Variants in CABLES1 observed in about 807,000 individuals in gnomAD.
The protein encoded by CABLES1 is Cdk5 and Abl enzyme substrate 1.
In CABLES1, 36 loss-of-function variants were observed where a neutral mutation model predicts 57.8. The observed-to-expected ratio is 0.62, with a 90% confidence interval of 0.48 to 0.82. The LOEUF is 0.82. CABLES1 is among the 40% of genes least tolerant of loss of function. The pLI is 0.00. For missense variants in CABLES1, 767 were observed against 836.6 expected (o/e 0.92, Z 1.03); for synonymous variants, 374 against 363.0 (o/e 1.03, Z -0.35).
At chr18:23,153,646 A>G (rs2046947118) in intron 1 of CABLES1, among the ~76,000 whole-genome samples, 1 of 152,138 alleles carries the variant, frequency 6.6e-6, no homozygotes, top group Non-Finnish European at 1.5e-5. Flanking sequence ...AGGCAGGAGA[A>G]TCGCTTGAAC....
chr18:23,203,456 GT>G (rs1555665022), intron 3 of CABLES1, among the ~76,000 whole-genome samples: 1 of 139,534 alleles, frequency 7.2e-6, no homozygotes, highest in African/African-American at 2.9e-5. Flanking sequence ...AATAGGATAT[GT>G]TAAAAAAAAA....
At chr18:23,247,412 A>AGTGTGAGGTTG (rs1355912893) in intron 7 of CABLES1, among the ~76,000 whole-genome samples, 1 of 152,236 alleles carries the variant, frequency 6.6e-6, no homozygotes, top group African/African-American at 2.4e-5. Context: ...GGTGCAGAGC[A>AGTGTGAGGTTG]GTGGCCTCAA....
intron 1 of CABLES1, among the ~76,000 whole-genome samples, chr18:23,143,680 C>CA (rs2046872418): frequency 1.3e-5 from 2 of 152,236 alleles, no homozygotes; most frequent in Non-Finnish European, 1.5e-5. Context: ...GTGCTTCCCC[C>CA]ACCCTAGCCC....
chr18:23,209,566 G>T (rs2047388638), intron 3 of CABLES1, among the ~76,000 whole-genome samples: 1 of 152,170 alleles, frequency 6.6e-6, no homozygotes, highest in South Asian at 2.1e-4. Context: ...GGCTGTGTTT[G>T]GGCTTCACTG....
chr18:23,159,136 TGTATTTCTA>T (rs1298088395), intron 1 of CABLES1, among the ~76,000 whole-genome samples: 1 of 152,222 alleles, frequency 6.6e-6, no homozygotes, highest in Non-Finnish European at 1.5e-5. Context: ...CGGTTAATTT[TGTATTTCTA>T]GTAGAGAAAG....
chr18:23,234,576 G>A, intron 4 of CABLES1, 32 bp from the exon 5 acceptor site: 2 of 1,549,356 alleles, frequency 1.3e-6, no homozygotes, highest in Admixed American at 1.7e-5. Flanking sequence ...GCACACAAAA[G>A]CATTTTTTTT....
chr18:23,249,266 C>T (rs1002646039), intron 7 of CABLES1, among the ~76,000 whole-genome samples: 4 of 152,194 alleles, frequency 2.6e-5, no homozygotes, highest in South Asian at 2.1e-4. Flanking sequence ...TTCCAGCCTC[C>T]GTAGCACAAC....
chr18:23,211,570 T>G (rs2047405014), intron 3 of CABLES1, among the ~76,000 whole-genome samples: 1 of 152,204 alleles, frequency 6.6e-6, no homozygotes, highest in South Asian at 2.1e-4. Flanking sequence ...CTAGAACATC[T>G]GGATGAAGGC....
intron 4 of CABLES1, among the ~76,000 whole-genome samples, chr18:23,218,294 G>T (rs889229933): frequency 9.6e-5 from 14 of 146,012 alleles, no homozygotes; most frequent in Non-Finnish European, 1.8e-4. Context: ...ATCCTCACTT[G>T]CCCTGCCTCC....
intron 4 of CABLES1, among the ~76,000 whole-genome samples, chr18:23,216,270 T>C (rs2047441176): frequency 6.6e-6 from 1 of 152,212 alleles, no homozygotes; most frequent in Admixed American, 6.5e-5. Flanking sequence ...GATCCATCCT[T>C]AAGAGTTGAA....
chr18:23,151,928 G>T (rs1199689897), intron 1 of CABLES1, among the ~76,000 whole-genome samples: 1 of 152,206 alleles, frequency 6.6e-6, no homozygotes, highest in African/African-American at 2.4e-5. Flanking sequence ...AGCGAAGCGG[G>T]TGGAGAGAAG....
At chr18:23,213,920 T>C in intron 3 of CABLES1, 57 bp from the exon 4 acceptor site, 1 of 1,243,124 alleles carries the variant, frequency 8.0e-7, no homozygotes. Flanking sequence ...TTTTGTTTTT[T>C]AGTTTGATTC....
chr18:23,251,559 ATTGT>A (rs948896009), intron 7 of CABLES1, among the ~76,000 whole-genome samples: 2 of 152,190 alleles, frequency 1.3e-5, no homozygotes, highest in African/African-American at 4.8e-5. Context: ...CCAGAAAAAA[ATTGT>A]TTAATTCAGA....
At chr18:23,178,626 T>A (rs902022025) in intron 1 of CABLES1, among the ~76,000 whole-genome samples, 2 of 150,794 alleles carry the variant, frequency 1.3e-5, no homozygotes, top group African/African-American at 4.9e-5. Context: ...TTTTCAAGAT[T>A]AGCAGGACAG....
At chr18:23,175,373 A>G (rs949890072) in intron 1 of CABLES1, among the ~76,000 whole-genome samples, 9 of 152,198 alleles carry the variant, frequency 5.9e-5, no homozygotes, top group African/African-American at 1.7e-4. Context: ...GTTCTAGATT[A>G]TTTCTAAGGT....
In CABLES1 at chr18:23,194,465, G is replaced by A. The variant is rs774334448; in HGVS notation, c.935G>A (p.Gly312Asp). The change falls in exon 3 of 10, where the codon GGT (glycine) becomes GAT (aspartate). Residue 312 changes from glycine (G) to aspartate (D), a missense_variant. By Grantham distance (94) the Gly-to-Asp change is moderately conservative. Coordinates refer to ENST00000256925, the MANE Select transcript of CABLES1 (RefSeq NM_001100619.3). ...APLRRCRTLSGSPRPKNFKKI... is the reference protein window; with the variant it reads ...APLRRCRTLSDSPRPKNFKKI... ...TTTTTCAGATGTCGAACTCTCTCAG[G>A]TTCACCCAGACCAAAGAATTTTAAG... 17 of 1,611,760 alleles carry A rather than the reference G, an allele frequency of 1.1e-5. No homozygotes were observed. The Admixed American group carries it at 2.5e-4, about 24-fold the overall frequency.
intron 9 of CABLES1, among the ~76,000 whole-genome samples, chr18:23,254,252 T>C (rs1216372808): frequency 6.6e-6 from 1 of 152,214 alleles, no homozygotes; most frequent in Non-Finnish European, 1.5e-5. Flanking sequence ...CCCCAGGCAG[T>C]GTGACCCACA....
chr18:23,219,764 G>T (rs2047472723), intron 4 of CABLES1, among the ~76,000 whole-genome samples: 1 of 152,202 alleles, frequency 6.6e-6, no homozygotes, highest in Admixed American at 6.5e-5. Flanking sequence ...TCTCATTCTT[G>T]TCAGTGCTGC....
intron 4 of CABLES1, among the ~76,000 whole-genome samples, chr18:23,225,353 AG>A: frequency 6.6e-6 from 1 of 152,250 alleles, no homozygotes; most frequent in East Asian, 1.9e-4. Flanking sequence ...AATGTATAAA[AG>A]TAAAAGGAAG....
Sources: allele counts gnomAD v4.1 joint callset (sites outside exome capture counted in the v4.1 genomes callset), GRCh38; gene constraint gnomAD v4.1.1; transcripts MANE v1.5; gene names NCBI Gene and HGNC (gene_info 2026-07-23, HGNC 2026-07-21).